The following RHOBTB3 variants were observed in gnomAD, a reference collection of about 807,000 sequenced individuals.
RHOBTB3 encodes Rho related BTB domain containing 3.
RHOBTB3 carries 47 observed loss-of-function variants against 67.2 expected under a neutral mutation model. The ratio of observed to expected loss-of-function variants is 0.70; its 90% CI spans 0.55 to 0.89. The LOEUF is 0.89. Among genes scored for constraint, RHOBTB3 ranks in the 40% least tolerant of loss-of-function variants. The pLI, the probability that RHOBTB3 is intolerant of heterozygous loss-of-function variation, is 0.00. For missense variants in RHOBTB3, 631 were observed against 750.0 expected, an observed-to-expected ratio of 0.84 and a Z score of 1.85; for synonymous variants, 273 against 274.2, an observed-to-expected ratio of 1.00 and a Z score of 0.04.
At chr5:95,739,463 A>G (rs1346302113) in intron 3 of RHOBTB3, among the ~76,000 whole-genome samples, 3 of 152,334 alleles carry the variant, frequency 2.0e-5, no homozygotes, top group South Asian at 2.1e-4. Context: ...ACAGATACAT[A>G]TATGTACAAA....
chr5:95,747,828 G>A (rs753585825), intron 3 of RHOBTB3, among the ~76,000 whole-genome samples: 1 of 152,190 alleles, frequency 6.6e-6, no homozygotes, highest in East Asian at 1.9e-4. Context: ...TTTACAAAGA[G>A]AGTGACAATT....
intron 10 of RHOBTB3, among the ~76,000 whole-genome samples, chr5:95,786,732 C>G (rs1487601117): frequency 3.9e-5 from 6 of 152,150 alleles, no homozygotes; most frequent in Admixed American, 3.3e-4. Context: ...TCTCCACGTT[C>G]TTCTTGTAGC....
intron 7 of RHOBTB3, among the ~76,000 whole-genome samples, chr5:95,763,977 T>G (rs1190940331): frequency 6.6e-6 from 1 of 152,034 alleles, no homozygotes; most frequent in African/African-American, 2.4e-5. Context: ...ACCTGGCTAA[T>G]TTTTAAATTT....
intron 8 of RHOBTB3, among the ~76,000 whole-genome samples, chr5:95,778,815 C>T (rs1329008702): frequency 6.6e-6 from 1 of 152,216 alleles, no homozygotes; most frequent in Non-Finnish European, 1.5e-5. Flanking sequence ...GAAACTGGTC[C>T]TTCCCGGTGG....
upstream of RHOBTB3, among the ~76,000 whole-genome samples, chr5:95,726,517 A>G (rs1755056883): frequency 6.6e-6 from 1 of 152,258 alleles, no homozygotes; most frequent in Non-Finnish European, 1.5e-5. Flanking sequence ...ATATGCACTT[A>G]GGGTGAAATC....
At chr5:95,791,683 G>A (rs917462021) in intron 11 of RHOBTB3, among the ~76,000 whole-genome samples, 8 of 151,868 alleles carry the variant, frequency 5.3e-5, no homozygotes, top group South Asian at 2.1e-4. Flanking sequence ...GGCATGTGCC[G>A]CCACACCCAG....
chr5:95,722,047 A>C (rs891130303), intron 1 of RHOBTB3, among the ~76,000 whole-genome samples: 16 of 152,206 alleles, frequency 1.1e-4, no homozygotes, highest in Admixed American at 6.5e-4. Flanking sequence ...TGAGGACCAA[A>C]TGTATTGTGT....
intron 1 of RHOBTB3, among the ~76,000 whole-genome samples, chr5:95,725,140 A>C (rs1036439298): frequency 6.6e-6 from 1 of 152,254 alleles, no homozygotes; most frequent in Non-Finnish European, 1.5e-5. Flanking sequence ...AAAACCTGGG[A>C]ATAGCCCACG....
At chr5:95,774,231 A>G (rs1745804488) in intron 8 of RHOBTB3, among the ~76,000 whole-genome samples, 1 of 152,242 alleles carries the variant, frequency 6.6e-6, no homozygotes, top group Admixed American at 6.5e-5. Context: ...CAGATAATAT[A>G]TAAAGATGCA....
At chr5:95,732,349 G>A (rs1250101355) in intron 2 of RHOBTB3, 1 of 586,372 alleles carries the variant, frequency 1.7e-6, no homozygotes, top group Non-Finnish European at 3.0e-6. Flanking sequence ...GTTGACCCTT[G>A]GTAGGCAGCA....
At position 95,748,321 on chromosome 5, in the gene RHOBTB3, T is replaced by C; in HGVS notation, c.416-12T>C. ...ATTTCGAAACTCTTTGTTTTAAAAT[T>C]TGTTTTCTCAGAAGAGTTACCTTGT... On this transcript the variant is annotated splice_polypyrimidine_tract_variant and intron_variant, in intron 3 of 11. Coordinates refer to ENST00000379982, the MANE Select transcript of RHOBTB3 (RefSeq NM_014899.4). 1 of 1,574,812 alleles carries C rather than the reference T, an allele frequency of 6.3e-7. No homozygotes were observed. The highest frequency in any genetic ancestry group is 8.6e-7 in the Non-Finnish European group (1 of 1,160,920).
At chr5:95,721,693 T>TAAA (rs58596325) in intron 1 of RHOBTB3, among the ~76,000 whole-genome samples, 53 of 132,188 alleles carry the variant, frequency 4.0e-4, no homozygotes, top group Non-Finnish European at 6.1e-4. Context: ...CTGAGAGCAT[T>TAAA]AAAAAAAAAA....
chr5:95,786,421 C>G (rs1029604861), intron 10 of RHOBTB3, among the ~76,000 whole-genome samples: 1 of 152,164 alleles, frequency 6.6e-6, no homozygotes, highest in Non-Finnish European at 1.5e-5. Context: ...TGGGTATTCT[C>G]TCACTTCTCT....
intron 3 of RHOBTB3, among the ~76,000 whole-genome samples, chr5:95,742,073 T>G (rs1300584959): frequency 6.6e-6 from 1 of 152,202 alleles, no homozygotes; most frequent in Non-Finnish European, 1.5e-5. Flanking sequence ...GCTCAGACTT[T>G]GCCTATCCCA....
At chr5:95,749,312 A>G (rs1379870492) in intron 4 of RHOBTB3, among the ~76,000 whole-genome samples, 1 of 152,234 alleles carries the variant, frequency 6.6e-6, no homozygotes, top group Admixed American at 6.5e-5. Context: ...TCTTTCCAAT[A>G]CGCCCCAATA....
chr5:95,779,102 A>G (rs999349380), intron 8 of RHOBTB3, among the ~76,000 whole-genome samples: 3 of 152,190 alleles, frequency 2.0e-5, no homozygotes, highest in South Asian at 4.1e-4. Context: ...AAAGGGATGA[A>G]GAACCCAATA....
chr5:95,769,955 A>C, intron 8 of RHOBTB3: 1 of 430,004 alleles, frequency 2.3e-6, no homozygotes, highest in Non-Finnish European at 4.6e-6. Context: ...GTTTGTTGAC[A>C]ATAGAAAGAA....
chr5:95,753,669 C>T (rs11745143), intron 5 of RHOBTB3, among the ~76,000 whole-genome samples: 6,495 of 152,136 alleles, frequency 0.043, 171 homozygotes, highest in Middle Eastern at 0.068. Context: ...AACCCTTGGG[C>T]CTTAAATCCT....
intron 2 of RHOBTB3, 178 bp downstream of exon 2, chr5:95,732,262 G>A (rs1381957733): frequency 3.1e-6 from 2 of 648,222 alleles, no homozygotes; most frequent in African/African-American, 1.8e-5. Flanking sequence ...GAACAGCCCT[G>A]TCAGAGAACA....
Sources: gnomAD v4.1 joint callset for allele counts (sites outside exome capture counted in the v4.1 genomes callset) on GRCh38, gnomAD v4.1.1 for gene constraint, MANE v1.5 for transcripts, NCBI Gene and HGNC (gene_info 2026-07-23, HGNC 2026-07-21) for gene names.